FAM149A: variants seen among roughly 807,000 people sequenced by gnomAD.
FAM149A encodes the protein protein FAM149A.
In FAM149A, 71 loss-of-function variants were observed where a neutral mutation model predicts 78.2. The observed-to-expected ratio is 0.91, with a 90% CI of 0.75 to 1.11. FAM149A has a LOEUF of 1.11. Among genes scored for constraint, FAM149A ranks in the 50% least tolerant of loss-of-function variants. The pLI is 0.00. For missense variants in FAM149A, 1,036 were observed against 971.0 expected, an observed-to-expected ratio of 1.07 and a Z score of -0.89; for synonymous variants, 446 against 410.5, an observed-to-expected ratio of 1.09 and a Z score of -1.04.
intron 8 of FAM149A, among the ~76,000 whole-genome samples, chr4:186,161,368 T>C (rs955904303): frequency 2.0e-5 from 3 of 152,194 alleles, no homozygotes; most frequent in African/African-American, 7.2e-5. Context: ...GAACAGAACC[T>C]GTGCTTCGGG....
chr4:186,140,953 AT>A (rs2057717204), intron 1 of FAM149A, among the ~76,000 whole-genome samples: 1 of 152,228 alleles, frequency 6.6e-6, no homozygotes, highest in Non-Finnish European at 1.5e-5. Context: ...TTCAAGGTGA[AT>A]GGCCAAGTTG....
rs991289944 is a variant in FAM149A, at chr4:186,135,711, C to T, written c.567-13462C>T. On this transcript the variant is annotated intron_variant, in intron 1 of 13. Coordinates refer to ENST00000389354, the MANE Select transcript of FAM149A (RefSeq NM_001367768.3). ...ACCACAGCCTTCTGGCGCTTAGGAA[C>T]ACTCGGCAGCTTTAGCACAGCACTC... Among the ~76,000 whole-genome samples the T allele has an allele frequency of 3.3e-5, 5 of 152,328 alleles. No individual in the cohort carries two copies. In the East Asian group the frequency reaches 5.8e-4, roughly 18 times the overall value.
Position 186,105,057 on chromosome 4 carries a change from G to A in FAM149A, c.-20G>A, listed in dbSNP as rs989530608. 7.9e-7 allele frequency: 1 copy of A among 1,266,432 alleles called. No homozygotes were observed. The highest frequency in any genetic ancestry group is 1.0e-6 in the Non-Finnish European group (1 of 978,866). The allele number at this position is 1,266,432 out of a possible 1,614,324, so 78.4% of individuals were successfully genotyped here. ...TGAACTCTCGGGCGGCGGCGAGGAC[G>A]GCGTGTCCACTGTCGAGGCATGAAG... is the stretch of plus-strand genomic sequence containing the variant. On this transcript the variant is annotated 5_prime_UTR_variant, in exon 1 of 14. Transcript: ENST00000389354.
At chr4:186,167,751 C>A (rs538991528) in intron 13 of FAM149A, 2 of 234,826 alleles carry the variant, frequency 8.5e-6, no homozygotes, top group South Asian at 5.8e-5. Flanking sequence ...AGTTTGAATA[C>A]GGGCCAGTGA....
Position 186,144,837 on chromosome 4 carries a change from C to T in FAM149A, c.567-4336C>T. On this transcript the variant is annotated intron_variant, in intron 1 of 13. Coordinates refer to ENST00000389354, the MANE Select transcript of FAM149A (RefSeq NM_001367768.3). The surrounding 1 kb of genome is among the most constrained non-coding windows in gnomAD (Gnocchi z 4.2). ...GGAGGGGAGGCGGCGCCGGCGCGGGCGGGGCGGAGGATCTGGAGAGGGAAG... is the reference window on the plus strand; with the variant it reads ...GGAGGGGAGGCGGCGCCGGCGCGGGTGGGGCGGAGGATCTGGAGAGGGAAG... 1.0e-6 allele frequency: 1 copy of T among 977,868 alleles called. No homozygotes were observed. Among genetic ancestry groups the T allele is most frequent in the South Asian group, 4.6e-5 (1 of 21,758 alleles). 60.6% of individuals were successfully genotyped at this position (977,868 alleles called of 1,614,324 possible).
In FAM149A at chr4:186,167,070, A is replaced by AGGCCC. The variant is rs1735101677; in HGVS notation, c.2114_2118dup (p.Ser707GlyfsTer18). 2 of 1,614,200 alleles carry AGGCCC rather than the reference A, an allele frequency of 1.2e-6. No homozygotes were observed. Among genetic ancestry groups the AGGCCC allele is most frequent in the South Asian group, 2.2e-5 (2 of 91,084 alleles). Reference sequence around the variant, plus strand: ...AACAGCCACCCTGGAACGGTTGTCAAGGCCCAGCACAACCCACACGTTCCG... The same window carrying AGGCCC: ...AACAGCCACCCTGGAACGGTTGTCAAGGCCCGGCCCAGCACAACCCACACGTTCCG... On this transcript the variant is annotated frameshift_variant, in exon 12 of 14. Transcript: ENST00000389354. LOFTEE classifies it high-confidence loss of function.
intron 1 of FAM149A, among the ~76,000 whole-genome samples, chr4:186,145,770 C>A (rs1732985669): frequency 6.6e-6 from 1 of 152,202 alleles, no homozygotes; most frequent in Non-Finnish European, 1.5e-5. Context: ...ATAGAACTTG[C>A]ATGTCTATGT....
chr4:186,131,982 T>C (rs2099320925), intron 1 of FAM149A: 2 of 985,452 alleles, frequency 2.0e-6, no homozygotes, highest in Non-Finnish European at 2.4e-6. Context: ...TTTGTATTTC[T>C]TTTTGAATGG....
intron 1 of FAM149A, among the ~76,000 whole-genome samples, chr4:186,136,936 A>ATCTCTCTCTCTC (rs142934788): frequency 2.3e-5 from 2 of 88,160 alleles, no homozygotes; most frequent in African/African-American, 5.0e-5. Context: ...ACACTGATTG[A>ATCTCTCTCTCTC]TCTCTCTCTC....
At chr4:186,117,354 G>T in intron 1 of FAM149A, 1 of 855,736 alleles carries the variant, frequency 1.2e-6, no homozygotes, top group African/African-American at 1.8e-5. Flanking sequence ...GAGTAATTAG[G>T]GAAAGAACTG....
chr4:186,174,270 T>C lies in FAM149A; in HGVS notation c.*2283T>C, dbSNP rs770612655. 5.4e-5 allele frequency among the ~76,000 whole-genome samples: 6 copies of C among 110,592 alleles called. 1 individual carries two copies. Among genetic ancestry groups the C allele is most frequent in the Non-Finnish European group, 1.4e-4 (6 of 44,124 alleles). The allele number at this position is 110,592 out of a possible 152,430, so 72.6% of individuals were successfully genotyped here. Reference sequence around the variant, plus strand: ...CTTTGATAGGCCCTAGTGTGTGCTGTTCCCCTCTGTGTCCATGTGTTCTCA... The same window carrying C: ...CTTTGATAGGCCCTAGTGTGTGCTGCTCCCCTCTGTGTCCATGTGTTCTCA... On this transcript the variant is annotated 3_prime_UTR_variant, in exon 14 of 14. Transcript: ENST00000389354.
At chr4:186,121,758 C>T (rs1400371361) in intron 1 of FAM149A, among the ~76,000 whole-genome samples, 1 of 152,230 alleles carries the variant, frequency 6.6e-6, no homozygotes, top group African/African-American at 2.4e-5. Context: ...AGTTGTCTGT[C>T]TTCATTCTCT....
chr4:186,114,089 G>A (rs2099312497), intron 1 of FAM149A, among the ~76,000 whole-genome samples: 3 of 108,962 alleles, frequency 2.8e-5, no homozygotes. Context: ...TGTATTGGGT[G>A]CATATATATT....
At chr4:186,158,401 G>T in intron 8 of FAM149A, 1 of 1,193,176 alleles carries the variant, frequency 8.4e-7, no homozygotes, top group East Asian at 5.4e-5. Context: ...GGGCCTGAAG[G>T]GGTGGCTGCT....
At chr4:186,146,684 G>T (rs540805205) in intron 1 of FAM149A, 1 of 750,904 alleles carries the variant, frequency 1.3e-6, no homozygotes. Context: ...CAGATGCTCC[G>T]TTTGGCGGTG....
At chr4:186,158,284 CAG>C (rs1299721537) in intron 8 of FAM149A, 2 of 1,224,964 alleles carry the variant, frequency 1.6e-6, no homozygotes, top group Non-Finnish European at 2.1e-6. Context: ...ACCAGCCTCT[CAG>C]AGAGGCGTCT....
chr4:186,167,150 A>G, intron 12 of FAM149A, 34 bp from the exon 13 acceptor site: 1 of 1,605,564 alleles, frequency 6.2e-7, no homozygotes, highest in Non-Finnish European at 8.5e-7. Context: ...GAAAAAAATG[A>G]AACTTGTCCC....
intron 5 of FAM149A, 39 bp from the exon 6 acceptor site, chr4:186,154,429 T>C (rs1733867761): frequency 6.4e-7 from 1 of 1,551,740 alleles, no homozygotes; most frequent in Non-Finnish European, 8.8e-7. Context: ...TTCTTGGTGT[T>C]CTATAAACTC....
At position 186,146,798 on chromosome 4, in the gene FAM149A, C is replaced by T. The variant is rs977688394; in HGVS notation, c.567-2375C>T. 8.1e-6 allele frequency: 8 copies of T among 985,188 alleles called. No homozygotes were observed. The African/African-American group carries it at 1.4e-4, about 17-fold the overall frequency. 61.0% of individuals were successfully genotyped at this position (985,188 alleles called of 1,614,324 possible). Reference sequence around the variant, plus strand: ...TTGAATCTGGGGAATATTTTCATGTCAGGTCACGATGTAATCCTATGTTTC... The same window carrying T: ...TTGAATCTGGGGAATATTTTCATGTTAGGTCACGATGTAATCCTATGTTTC... On this transcript the variant is annotated intron_variant, in intron 1 of 13. Coordinates refer to ENST00000389354, the MANE Select transcript of FAM149A (RefSeq NM_001367768.3).
Sources: allele counts gnomAD v4.1 joint callset (sites outside exome capture counted in the v4.1 genomes callset), GRCh38; gene constraint gnomAD v4.1.1; non-coding constraint Gnocchi (gnomAD v3.1); transcripts MANE v1.5; gene names NCBI Gene and HGNC (gene_info 2026-07-23, HGNC 2026-07-21).